The following ZFHX3 variants were observed in gnomAD, a reference collection of about 807,000 sequenced individuals.
The protein encoded by ZFHX3 is zinc finger homeobox 3.
A neutral mutation model predicts 279.1 loss-of-function variants in ZFHX3; 42 were observed. The ratio of observed to expected loss-of-function variants is 0.15; its 90% CI spans 0.12 to 0.19. The LOEUF is 0.19. Among genes scored for constraint, ZFHX3 ranks in the 10% least tolerant of loss-of-function variants. The pLI is 1.00. For synonymous variants in ZFHX3, 2,293 were observed against 1,957.8 expected, an observed-to-expected ratio of 1.17 and a Z score of -4.52; for missense variants, 4,981 against 4,754.0, an observed-to-expected ratio of 1.05 and a Z score of -1.40.
intron 5 of ZFHX3, among the ~76,000 whole-genome samples, chr16:72,814,855 G>A (rs2143620270): frequency 6.6e-6 from 1 of 152,232 alleles, no homozygotes; most frequent in South Asian, 2.1e-4. Flanking sequence ...GATCAAATCT[G>A]TCTAGAAGTG....
intron 2 of ZFHX3, among the ~76,000 whole-genome samples, chr16:73,555,963 G>A (rs1424905480): frequency 6.6e-6 from 1 of 152,190 alleles, no homozygotes; most frequent in Non-Finnish European, 1.5e-5. Context: ...AGGGAGGGTG[G>A]CAGGCAGTGA....
chr16:73,725,599 G>C (rs2053512500), intron 1 of ZFHX3, among the ~76,000 whole-genome samples: 1 of 151,844 alleles, frequency 6.6e-6, no homozygotes, highest in South Asian at 2.1e-4. Flanking sequence ...GAATAGGGTG[G>C]ATGCAGACTG....
At position 73,124,866 on chromosome 16, in the gene ZFHX3, T is replaced by C. The variant is rs1399215425; in HGVS notation, c.-897+6102A>G. ...ATAACCTTGTGTTGAGAAATGAGTC[T>C]GTTCTGCAGTGACATGGCTGGGAGG... On this transcript the variant is annotated intron_variant, in intron 7 of 17. Coordinates refer to the ZFHX3 transcript ENST00000641206. Among the ~76,000 whole-genome samples the C allele has an allele frequency of 2.0e-5, 3 of 152,160 alleles. No individual in the cohort carries two copies. In the East Asian group the frequency reaches 5.8e-4, roughly 29 times the overall value.
chr16:73,151,284 G>T (rs1482357000), intron 5 of ZFHX3, among the ~76,000 whole-genome samples: 1 of 152,152 alleles, frequency 6.6e-6, no homozygotes, highest in Non-Finnish European at 1.5e-5. Flanking sequence ...AACACAAAAA[G>T]TGGTGAGGGA....
intron 1 of ZFHX3, among the ~76,000 whole-genome samples, chr16:73,819,838 T>C (rs1960683045): frequency 6.6e-6 from 1 of 152,090 alleles, no homozygotes; most frequent in African/African-American, 2.4e-5. Context: ...AATAGTAAGA[T>C]CTTCCCCATA....
rs186747989 is a variant in ZFHX3, at chr16:72,954,826, C to A, written c.2719+2601G>T. ...TTCTGAAAAGAAGCAACCCCACAAT[C>A]AGTGTCTGTTTGATGATACTAAAGA... On this transcript the variant is annotated intron_variant, in intron 2 of 9. Coordinates refer to ENST00000268489, the MANE Select transcript of ZFHX3 (RefSeq NM_006885.4). 6.4e-4 allele frequency among the ~76,000 whole-genome samples: 97 copies of A among 152,338 alleles called. 1 individual carries two copies. The highest frequency in any genetic ancestry group is 2.1e-3 in the African/African-American group (87 of 41,590).
chr16:72,931,265 T>A (rs1010540179), intron 3 of ZFHX3, among the ~76,000 whole-genome samples: 1 of 152,226 alleles, frequency 6.6e-6, no homozygotes, highest in Non-Finnish European at 1.5e-5. Flanking sequence ...CTGTTGCACA[T>A]ACTTCGCACA....
chr16:73,528,260 C>T (rs1394715242), intron 2 of ZFHX3, among the ~76,000 whole-genome samples: 2 of 152,180 alleles, frequency 1.3e-5, no homozygotes, highest in African/African-American at 2.4e-5. Context: ...GATGTAGCAT[C>T]ATTATCAGGC....
chr16:73,157,970 C>G (rs1162029336), intron 5 of ZFHX3, among the ~76,000 whole-genome samples: 1 of 150,956 alleles, frequency 6.6e-6, no homozygotes, highest in Non-Finnish European at 1.5e-5. Flanking sequence ...ACAGAAGTGA[C>G]AGTTTTTGTG....
intron 1 of ZFHX3, among the ~76,000 whole-genome samples, chr16:73,789,421 C>A: frequency 6.6e-6 from 1 of 152,038 alleles, no homozygotes; most frequent in East Asian, 1.9e-4. Flanking sequence ...ACCTCATGAT[C>A]CGCCCACCTC....
intron 5 of ZFHX3, among the ~76,000 whole-genome samples, chr16:72,818,418 A>T (rs2036677792): frequency 6.6e-6 from 1 of 152,148 alleles, no homozygotes; most frequent in South Asian, 2.1e-4. Context: ...TCTCCTGTGG[A>T]GCTACTGCAC....
At chr16:73,022,002 C>T (rs774176187) in intron 1 of ZFHX3, among the ~76,000 whole-genome samples, 1 of 152,082 alleles carries the variant, frequency 6.6e-6, no homozygotes, top group Non-Finnish European at 1.5e-5. Context: ...CTCCGAAAGC[C>T]TTTCTTCACT....
chr16:73,559,574 C>T (rs2020339365), intron 2 of ZFHX3, among the ~76,000 whole-genome samples: 1 of 152,200 alleles, frequency 6.6e-6, no homozygotes, highest in East Asian at 1.9e-4. Flanking sequence ...GCACATCCCT[C>T]TCTCGGGTCC....
chr16:73,454,693 C>T (rs528888190), intron 3 of ZFHX3, among the ~76,000 whole-genome samples: 3 of 152,074 alleles, frequency 2.0e-5, no homozygotes, highest in Admixed American at 6.5e-5. Flanking sequence ...GTATCACCCC[C>T]CTCTCCCCCA....
At chr16:73,489,552 T>A (rs1038906298) in intron 2 of ZFHX3, among the ~76,000 whole-genome samples, 1 of 152,232 alleles carries the variant, frequency 6.6e-6, no homozygotes, top group Non-Finnish European at 1.5e-5. Flanking sequence ...TAGATCCAAA[T>A]TGCAACAAAT....
chr16:73,831,885 G>C (rs1961005897), intron 1 of ZFHX3, among the ~76,000 whole-genome samples: 1 of 152,168 alleles, frequency 6.6e-6, no homozygotes, highest in Non-Finnish European at 1.5e-5. Context: ...CACCTGACTA[G>C]AGTTTCATCT....
intron 8 of ZFHX3, among the ~76,000 whole-genome samples, chr16:73,080,581 GT>G (rs943564432): frequency 6.6e-6 from 1 of 151,176 alleles, no homozygotes; most frequent in Non-Finnish European, 1.5e-5. Flanking sequence ...CTTTTTCTTT[GT>G]TTTTTTTTTG....
intron 3 of ZFHX3, among the ~76,000 whole-genome samples, chr16:73,399,837 G>GGTGTGTGTGTGTGT (rs4011546): frequency 1.3e-4 from 20 of 148,286 alleles, no homozygotes; most frequent in African/African-American, 4.5e-4. Context: ...TGTGGTGTGT[G>GGTGTGTGTGTGTGT]GTGTGTGTGT....
rs559182676 is a variant in ZFHX3, at chr16:73,407,217, C to A, written c.-1291+48786G>T. On this transcript the variant is annotated intron_variant, in intron 3 of 17. Transcript: ENST00000641206. The stretch of plus-strand genomic sequence containing the variant: ...CGGAGAATGATCCAGCCTCAAATGC[C>A]AGTCGTGCAGAGGTTAGAAGCCTTG... Among the ~76,000 whole-genome samples, 18 of 152,302 alleles carry A rather than the reference C, an allele frequency of 1.2e-4. No homozygotes were observed. In the South Asian group the frequency reaches 3.1e-3, roughly 26 times the overall value.
Sources: allele counts gnomAD v4.1 joint callset (sites outside exome capture counted in the v4.1 genomes callset), GRCh38; gene constraint gnomAD v4.1.1; transcripts MANE v1.5; gene names NCBI Gene and HGNC (gene_info 2026-07-23, HGNC 2026-07-21).